Variants in FAM210A observed in about 807,000 individuals in gnomAD.
The protein encoded by FAM210A is mitochondrial inner membrane scaffold 1, also known as family with sequence similarity 210 member A.
In FAM210A, 13 loss-of-function variants were observed where a neutral mutation model predicts 25.3. The ratio of observed to expected loss-of-function variants is 0.51; its 90% CI spans 0.33 to 0.82. The LOEUF (loss-of-function observed/expected upper bound fraction) is 0.82. Among genes scored for constraint, FAM210A ranks in the 40% least tolerant of loss-of-function variants. FAM210A has a pLI of 0.02. For synonymous variants in FAM210A, 125 were observed against 118.7 expected, an observed-to-expected ratio of 1.05 and a Z score of -0.35; for missense variants, 319 against 323.2, an observed-to-expected ratio of 0.99 and a Z score of 0.10.
chr18:13,671,929 T>C lies in FAM210A; in HGVS notation c.518A>G (p.Asp173Gly), dbSNP rs2043446416. 1 of 1,612,992 alleles carries C rather than the reference T, an allele frequency of 6.2e-7. No individual in the cohort carries two copies. Among genetic ancestry groups the C allele is most frequent in the Non-Finnish European group, 8.5e-7 (1 of 1,179,750 alleles). The part of the protein sequence containing the change: ...VPFLELIGLP[D>G]SVVSILKNSQ... ...GTTTTTCAGGATGCTTACCACACTG[T>C]CAGGTAACCCAATGAGTTCTAGAAA... is the stretch of plus-strand genomic sequence containing the variant. The change falls in exon 3 of 4, where the codon GAC becomes GGC. Residue 173 changes from aspartate (D) to glycine (G), a missense_variant. Asp to Gly is a moderately conservative substitution (Grantham distance 94). Coordinates refer to ENST00000651643, the MANE Select transcript of FAM210A (RefSeq NM_152352.4).
intron 1 of FAM210A, among the ~76,000 whole-genome samples, chr18:13,718,368 A>G (rs2043876418): frequency 1.3e-5 from 2 of 152,182 alleles, no homozygotes; most frequent in African/African-American, 4.8e-5. Context: ...CAGCAACCTT[A>G]GGTTTAGTCA....
intron 1 of FAM210A, among the ~76,000 whole-genome samples, chr18:13,708,809 C>T (rs533602737): frequency 6.6e-6 from 1 of 151,860 alleles, no homozygotes; most frequent in Non-Finnish European, 1.5e-5. Context: ...AGTACTAGCG[C>T]CTTGCCTGAC....
At chr18:13,668,543 A>G (rs910017240) in intron 3 of FAM210A, among the ~76,000 whole-genome samples, 1 of 152,170 alleles carries the variant, frequency 6.6e-6, no homozygotes, top group Non-Finnish European at 1.5e-5. Context: ...CTCCATTTGC[A>G]TATCTAATAA....
chr18:13,710,889 C>T (rs1019322789), intron 1 of FAM210A, among the ~76,000 whole-genome samples: 1 of 152,214 alleles, frequency 6.6e-6, no homozygotes, highest in Non-Finnish European at 1.5e-5. Flanking sequence ...ATTAATAAAA[C>T]TCTTTGTGTA....
At chr18:13,717,877 G>C (rs542381709) in intron 1 of FAM210A, among the ~76,000 whole-genome samples, 1 of 152,258 alleles carries the variant, frequency 6.6e-6, no homozygotes, top group East Asian at 1.9e-4. Flanking sequence ...TTTTCTGCTG[G>C]CCTCAAGGAA....
At position 13,682,087 on chromosome 18, in the gene FAM210A, T is replaced by C. The variant is rs1478131279; in HGVS notation, c.-10A>G. ...GTACATTCCATTGCATTTTGAAGAGTGTTGATAGGTTTCAGCTTCTACAAA... is the reference window on the plus strand; with the variant it reads ...GTACATTCCATTGCATTTTGAAGAGCGTTGATAGGTTTCAGCTTCTACAAA... On this transcript the variant is annotated 5_prime_UTR_variant, in exon 2 of 4. Coordinates refer to ENST00000651643, the MANE Select transcript of FAM210A (RefSeq NM_152352.4). The C allele has an allele frequency of 6.4e-7, 1 of 1,550,496 alleles. No homozygotes were observed. Among genetic ancestry groups the C allele is most frequent in the African/African-American group, 1.4e-5 (1 of 72,424 alleles).
At chr18:13,707,909 T>C (rs768370513) in intron 1 of FAM210A, among the ~76,000 whole-genome samples, 14 of 151,830 alleles carry the variant, frequency 9.2e-5, no homozygotes, top group Non-Finnish European at 2.1e-4. Context: ...TTTTTTTTTG[T>C]CTATAAATCT....
intron 1 of FAM210A, among the ~76,000 whole-genome samples, chr18:13,685,732 C>CA (rs1374960186): frequency 6.6e-6 from 1 of 152,140 alleles, no homozygotes; most frequent in Non-Finnish European, 1.5e-5. Flanking sequence ...AGCTGTAACC[C>CA]AACTACCTTA....
chr18:13,672,202 T>C (rs2043449069), intron 2 of FAM210A, among the ~76,000 whole-genome samples: 1 of 152,204 alleles, frequency 6.6e-6, no homozygotes, highest in Non-Finnish European at 1.5e-5. Context: ...CTACAACTTC[T>C]ATTTGCTTCA....
At chr18:13,686,356 T>C (rs1032425488) in intron 1 of FAM210A, among the ~76,000 whole-genome samples, 2 of 152,216 alleles carry the variant, frequency 1.3e-5, no homozygotes, top group African/African-American at 4.8e-5. Flanking sequence ...TAAGTAACTA[T>C]GAATTAACCT....
chr18:13,711,691 T>C (rs1466596767), intron 1 of FAM210A, among the ~76,000 whole-genome samples: 1 of 152,202 alleles, frequency 6.6e-6, no homozygotes, highest in African/African-American at 2.4e-5. Context: ...GAATGCAGGC[T>C]CTATACATTT....
rs1601953979 is a variant in FAM210A at position 13,691,891 on chromosome 18, C to A, written c.-28-9786G>T. ...AACATCATAATAACAGGATCAAATT[C>A]ACACATAACAATATTAACCTTAAAT... is the stretch of plus-strand genomic sequence containing the variant. On this transcript the variant is annotated intron_variant, in intron 1 of 3. Transcript: ENST00000651643. Among the ~76,000 whole-genome samples the A allele has an allele frequency of 9.5e-5, 2 of 20,968 alleles. 1 individual carries two copies. Among genetic ancestry groups the A allele is most frequent in the African/African-American group, 3.0e-4 (2 of 6,752 alleles). The allele number at this position is 20,968 out of a possible 152,430, so 13.8% of individuals were successfully genotyped here. A position where few individuals can be genotyped will look rare whatever the true frequency, so the allele number is the denominator to read the frequency against.
At chr18:13,689,140 T>C (rs2149060046) in intron 1 of FAM210A, among the ~76,000 whole-genome samples, 1 of 152,338 alleles carries the variant, frequency 6.6e-6, no homozygotes, top group African/African-American at 2.4e-5. Context: ...AGGTTCACCT[T>C]ATCTTGTGTA....
rs2043400813 is a variant in FAM210A at position 13,666,321 on chromosome 18, G to C, written c.*159C>G. 3.2e-6 allele frequency: 2 copies of C among 621,216 alleles called. No homozygotes were observed. Among genetic ancestry groups the C allele is most frequent in the Non-Finnish European group, 5.6e-6 (2 of 356,498 alleles). The allele number at this position is 621,216 out of a possible 1,614,324, so 38.5% of individuals were successfully genotyped here. A position where few individuals can be genotyped will look rare whatever the true frequency, so the allele number is the denominator to read the frequency against. The stretch of plus-strand genomic sequence containing the variant: ...CCTTGTAATAACACTGATTTTTCTA[G>C]TGATATTTAACTTTAAAAAGGTATT... On this transcript the variant is annotated 3_prime_UTR_variant, in exon 4 of 4. Transcript: ENST00000651643.
At chr18:13,697,840 G>C (rs923688614) in intron 1 of FAM210A, among the ~76,000 whole-genome samples, 4 of 152,098 alleles carry the variant, frequency 2.6e-5, no homozygotes, top group African/African-American at 9.7e-5. Context: ...ATAAGTGAAT[G>C]GATAAACAAA....
At chr18:13,694,063 C>G (rs374935621) in intron 1 of FAM210A, among the ~76,000 whole-genome samples, 11 of 152,208 alleles carry the variant, frequency 7.2e-5, no homozygotes, top group African/African-American at 2.7e-4. Context: ...AAATCACAAG[C>G]ATTCCTATAC....
intron 1 of FAM210A, among the ~76,000 whole-genome samples, chr18:13,689,650 C>T (rs2043625961): frequency 1.3e-5 from 2 of 152,056 alleles, no homozygotes; most frequent in Admixed American, 6.6e-5. Context: ...TACTGCAATT[C>T]CCAGCTAGTG....
Position 13,682,004 on chromosome 18 carries a change from A to G in FAM210A, c.74T>C (p.Leu25Pro), listed in dbSNP as rs775768207. ...CTTTACATTTTGACAGTGTCCAAAG[A>G]GACCAGCATTATGTGGTTCCAAGCA... is the stretch of plus-strand genomic sequence containing the variant. ...RTCLEPHNAG[L>P]FGHCQNVKGP... The change falls in exon 2 of 4, where the codon CTC becomes CCC. Residue 25 changes from leucine (L) to proline (P), a missense_variant. Physicochemically the swap from Leu to Pro is moderately conservative, Grantham distance 98. Transcript: ENST00000651643. 3.1e-6 allele frequency: 5 copies of G among 1,614,196 alleles called. No homozygotes were observed. The highest frequency in any genetic ancestry group is 1.7e-5 in the Admixed American group (1 of 60,026).
At chr18:13,674,876 T>C (rs1341705594) in intron 2 of FAM210A, among the ~76,000 whole-genome samples, 11 of 151,430 alleles carry the variant, frequency 7.3e-5, no homozygotes, top group Non-Finnish European at 1.3e-4. Flanking sequence ...TCCTGATTAT[T>C]AACATTCCTG....
Sources: gnomAD v4.1 joint callset for allele counts (sites outside exome capture counted in the v4.1 genomes callset) on GRCh38, gnomAD v4.1.1 for gene constraint, MANE v1.5 for transcripts, NCBI Gene and HGNC (gene_info 2026-07-23, HGNC 2026-07-21) for gene names.